Variants in AP2B1 observed in about 807,000 individuals in gnomAD.
AP2B1 encodes the protein AP-2 complex subunit beta.
In AP2B1, 23 loss-of-function variants were observed where a neutral mutation model predicts 102.0. The ratio of observed to expected loss-of-function variants is 0.23; its 90% CI spans 0.16 to 0.32. AP2B1 has a LOEUF of 0.32. Ranked by LOEUF, AP2B1 falls within the 10% of genes least tolerant of loss-of-function variation. AP2B1 has a pLI of 1.00. For missense variants in AP2B1, 541 were observed against 1,157.4 expected (o/e 0.47, Z 7.73); for synonymous variants, 381 against 421.2 (o/e 0.90, Z 1.17).
chr17:35,650,327 C>T (rs553428587), intron 12 of AP2B1, among the ~76,000 whole-genome samples: 2 of 152,126 alleles, frequency 1.3e-5, no homozygotes, highest in South Asian at 2.1e-4. Context: ...ACTCTTGGGT[C>T]CAAGTGATCC....
intron 5 of AP2B1, among the ~76,000 whole-genome samples, chr17:35,617,003 C>T (rs1401283532): frequency 6.6e-6 from 1 of 152,190 alleles, no homozygotes; most frequent in Non-Finnish European, 1.5e-5. Context: ...GCTTGCAAAG[C>T]ACTTAATACT....
At chr17:35,682,564 G>C in intron 17 of AP2B1, 131 bp from the exon 18 acceptor site, 1 of 762,212 alleles carries the variant, frequency 1.3e-6, no homozygotes, top group East Asian at 3.6e-5. Context: ...GGCTGGTTTT[G>C]AACTGCTGAC....
chr17:35,711,692 T>C (rs1249613412), intron 20 of AP2B1, among the ~76,000 whole-genome samples: 4 of 152,318 alleles, frequency 2.6e-5, no homozygotes, highest in East Asian at 3.9e-4. Context: ...AGGATGTTCT[T>C]GATCTCCTGA....
chr17:35,719,098 C>G (rs1417790266), intron 21 of AP2B1, among the ~76,000 whole-genome samples: 1 of 152,084 alleles, frequency 6.6e-6, no homozygotes, highest in Admixed American at 6.5e-5. Flanking sequence ...TTAAATGGAA[C>G]AGTAGAGTTT....
At chr17:35,636,683 T>A (rs1183015640) in intron 10 of AP2B1, among the ~76,000 whole-genome samples, 1 of 152,254 alleles carries the variant, frequency 6.6e-6, no homozygotes, top group African/African-American at 2.4e-5. Flanking sequence ...ATATGCATTG[T>A]CTATTGGCAT....
chr17:35,708,673 T>C (rs587743789), intron 18 of AP2B1, among the ~76,000 whole-genome samples: 1 of 152,108 alleles, frequency 6.6e-6, no homozygotes, highest in African/African-American at 2.4e-5. Flanking sequence ...TTTAAAAAAA[T>C]AAAAAATAAG....
chr17:35,650,641 G>A lies in AP2B1; in HGVS notation c.1648G>A (p.Glu550Lys). ...VVLSEKPLIS[E>K]ETDLIEPTLL... ...CTTGTCTGAGAAGCCACTGATCTCT[G>A]AGGAGACGGACCTTATTGAGCCAAC... Residue 550 changes from glutamate to lysine, a missense_variant, in exon 13 of 22, where the codon GAG (glutamate) becomes AAG (lysine). This residue lies in a region of AP2B1 where 106 missense variants were observed against 296.4 expected (regional missense o/e 0.36). Coordinates refer to ENST00000610402, the MANE Select transcript of AP2B1 (RefSeq NM_001030006.2). 6.2e-7 allele frequency: 1 copy of A among 1,614,164 alleles called. No homozygotes were observed. The highest frequency in any genetic ancestry group is 2.2e-5 in the East Asian group (1 of 44,884).
chr17:35,673,973 G>C (rs78460364), intron 16 of AP2B1, among the ~76,000 whole-genome samples: 12,857 of 152,210 alleles, frequency 0.084, 778 homozygotes, highest in Non-Finnish European at 0.13. Context: ...AATTGAGAAC[G>C]ATCTCAAAAT....
chr17:35,677,596 A>G (rs187686321), intron 17 of AP2B1, among the ~76,000 whole-genome samples: 5 of 152,146 alleles, frequency 3.3e-5, no homozygotes, highest in African/African-American at 9.6e-5. Context: ...TTGGTCTTTT[A>G]CATTTCCCTG....
intron 17 of AP2B1, among the ~76,000 whole-genome samples, chr17:35,678,799 A>G (rs1053645805): frequency 6.6e-6 from 1 of 151,960 alleles, no homozygotes. Context: ...TTTACTCTTC[A>G]TTTCTGATAT....
intron 6 of AP2B1, among the ~76,000 whole-genome samples, chr17:35,625,125 G>T (rs1255353876): frequency 6.6e-6 from 1 of 151,648 alleles, no homozygotes; most frequent in East Asian, 1.9e-4. Flanking sequence ...ATTTTCTTTG[G>T]TTATTAGAAA....
intron 1 of AP2B1, among the ~76,000 whole-genome samples, chr17:35,591,425 G>A (rs906693948): frequency 6.6e-6 from 1 of 152,030 alleles, no homozygotes; most frequent in Non-Finnish European, 1.5e-5. Flanking sequence ...CGCACGCCTC[G>A]TCCTCCCAAA....
intron 5 of AP2B1, among the ~76,000 whole-genome samples, chr17:35,622,110 C>G (rs2074196399): frequency 6.6e-6 from 1 of 152,192 alleles, no homozygotes; most frequent in Non-Finnish European, 1.5e-5. Context: ...TGGCTTTTCT[C>G]ATGCTTGATG....
At chr17:35,613,163 T>C (rs967354914) in intron 5 of AP2B1, among the ~76,000 whole-genome samples, 3 of 151,034 alleles carry the variant, frequency 2.0e-5, no homozygotes, top group African/African-American at 7.3e-5. Flanking sequence ...TAGATTCTCT[T>C]AGAAAAGAAA....
intron 12 of AP2B1, among the ~76,000 whole-genome samples, chr17:35,647,799 C>G (rs1023285222): frequency 6.6e-6 from 1 of 151,978 alleles, no homozygotes; most frequent in African/African-American, 2.4e-5. Context: ...TTCATCTGCT[C>G]GCTTAGAAAC....
intron 11 of AP2B1, among the ~76,000 whole-genome samples, chr17:35,640,236 T>TAA (rs760715352): frequency 1.4e-3 from 58 of 40,766 alleles, no homozygotes; most frequent in African/African-American, 6.4e-3. Flanking sequence ...GATTTTTTTT[T>TAA]TTTTTTTTTT....
chr17:35,669,405 G>A (rs781632493), intron 14 of AP2B1, among the ~76,000 whole-genome samples: 1 of 152,132 alleles, frequency 6.6e-6, no homozygotes. Flanking sequence ...GCCTCCCAAA[G>A]TGCTGGGATT....
intron 14 of AP2B1, chr17:35,660,138 GGTTT>G (rs2075324736): frequency 1.1e-6 from 1 of 939,094 alleles, no homozygotes; most frequent in Admixed American, 6.2e-5. Context: ...TACAAGAGAG[GGTTT>G]GTTTTGTTTT....
At position 35,720,565 on chromosome 17, in the gene AP2B1, ATATATATATTTTTTT is replaced by A. The variant is rs1201351275; in HGVS notation, c.2782-3058_2782-3044del. Among the ~76,000 whole-genome samples the A allele has an allele frequency of 7.1e-4, 37 of 52,384 alleles. 1 individual carries two copies. The South Asian group carries it at 0.011, about 16-fold the overall frequency. The allele number at this position is 52,384 out of a possible 152,430, so 34.4% of individuals were successfully genotyped here. A position where few individuals can be genotyped will look rare whatever the true frequency, so the allele number is the denominator to read the frequency against. Reference sequence around the variant, plus strand: ...TTTATTTATATATATATATATATATATATATATATTTTTTTTTTTTTTTTTTTTTTTTTTTAATAT... The same window carrying A: ...TTTATTTATATATATATATATATATATTTTTTTTTTTTTTTTTTTTAATAT... On this transcript the variant is annotated intron_variant, in intron 21 of 21. Transcript: ENST00000610402.
Sources: gnomAD v4.1 joint callset for allele counts (sites outside exome capture counted in the v4.1 genomes callset) on GRCh38, gnomAD v4.1.1 for gene constraint, gnomAD v4.1.1 regional missense constraint, MANE v1.5 for transcripts, NCBI Gene and HGNC (gene_info 2026-07-23, HGNC 2026-07-21) for gene names.